Variants in PPY observed in about 807,000 individuals in gnomAD.
PPY encodes the protein pancreatic polypeptide, also known as pancreatic polypeptide prohormone.
Under a neutral mutation model 9.3 loss-of-function variants are expected in PPY, and 6 were observed. That is an observed-to-expected ratio of 0.64 (90% CI 0.35 to 1.27). The LOEUF (loss-of-function observed/expected upper bound fraction) is 1.27, where lower values mean the gene tolerates loss of function less well. Ranked by LOEUF, PPY falls within the 50% of genes most tolerant of loss-of-function variation. The pLI, the probability that PPY is intolerant of heterozygous loss-of-function variation, is 0.03. For missense variants in PPY, 109 were observed against 119.1 expected (o/e 0.91, Z 0.40); for synonymous variants, 58 against 54.6 (o/e 1.06, Z -0.27).
In PPY at chr17:43,940,916, C is replaced by A; in HGVS notation, c.*12G>T. On this transcript the variant is annotated 3_prime_UTR_variant, in exon 4 of 4. Transcript: ENST00000225992. ...GCGCTGCTCATGGAGTCGTAGGAGA[C>A]AGAAGGTGGCATTATAAGTCCAGCG... is the stretch of plus-strand genomic sequence containing the variant. The A allele has an allele frequency of 1.9e-6, 3 of 1,605,446 alleles. No homozygotes were observed. Among genetic ancestry groups the A allele is most frequent in the East Asian group, 4.5e-5 (2 of 44,632 alleles).
In PPY at chr17:43,941,447, C is replaced by A; in HGVS notation, c.191+17G>T. ...GTCCCAGGGGCTGGGATCTCTCTCC[C>A]CAACTGTGGCACACACCTAGGCCTG... On this transcript the variant is annotated intron_variant, in intron 2 of 3. Coordinates refer to ENST00000225992, the MANE Select transcript of PPY (RefSeq NM_002722.5). The A allele has an allele frequency of 6.2e-7, 1 of 1,613,608 alleles. No homozygotes were observed. Among genetic ancestry groups the A allele is most frequent in the South Asian group, 1.1e-5 (1 of 91,028 alleles).
At chr17:43,942,702 GC>G (rs373953896), upstream of PPY, among the ~76,000 whole-genome samples, 850 of 152,308 alleles carry the variant, frequency 5.6e-3, 7 homozygotes, top group African/African-American at 0.02. The surrounding 1 kb of genome is among the most constrained non-coding windows in gnomAD (Gnocchi z 5.3). Flanking sequence ...TCTCCTGTGG[GC>G]CCCCATCACT....
chr17:43,941,318 G>A (rs1567921208), intron 2 of PPY, 104 bp from the exon 3 acceptor site: 1 of 1,503,474 alleles, frequency 6.7e-7, no homozygotes, highest in Non-Finnish European at 9.1e-7. Context: ...CATTGGTCTA[G>A]GCCTGTTGAG....
In PPY at chr17:43,942,405, G is replaced by A. The variant is rs1190898016; in HGVS notation, c.-1+16C>T. On this transcript the variant is annotated intron_variant, in intron 1 of 3. Coordinates refer to ENST00000225992, the MANE Select transcript of PPY (RefSeq NM_002722.5). This position sits in a 1 kb window ranked among gnomAD's most constrained non-coding sequence, Gnocchi z 5.3. ...GGGGAGGCCCCCAGAGCCCCAGGCA[G>A]GCTGAGCCCACTTACCCGGAGTCCA... is the stretch of plus-strand genomic sequence containing the variant. 6.6e-6 allele frequency: 1 copy of A among 152,388 alleles called. No homozygotes were observed. The highest frequency in any genetic ancestry group is 1.9e-4 in the East Asian group (1 of 5,188). The allele number at this position is 152,388 out of a possible 1,614,324, so 9.4% of individuals were successfully genotyped here.
rs2048572249 is a variant in PPY, at chr17:43,941,058, A to C, written c.263+85T>G. 15 of 1,544,054 alleles carry C rather than the reference A, an allele frequency of 9.7e-6. No homozygotes were observed. The Admixed American group carries it at 2.7e-4, about 28-fold the overall frequency. ...TGTTCTCCCTCTTCCACCCCCCACT[A>C]CACCTTTCCAAGCCCTGATTCAGTC... is the stretch of plus-strand genomic sequence containing the variant. On this transcript the variant is annotated intron_variant, in intron 3 of 3. Transcript: ENST00000225992.
intron 1 of PPY, 118 bp from the exon 2 acceptor site, chr17:43,941,772 C>G: frequency 1.7e-6 from 2 of 1,161,312 alleles, no homozygotes; most frequent in Non-Finnish European, 1.2e-6. Flanking sequence ...AGCCTGGGGA[C>G]AAGGGGGCAG....
upstream of PPY, among the ~76,000 whole-genome samples, chr17:43,944,144 G>A (rs1376349734): frequency 6.6e-6 from 1 of 152,208 alleles, no homozygotes; most frequent in Non-Finnish European, 1.5e-5. Context: ...TTGGCGGGTA[G>A]AGGTTGCAGC....
chr17:43,941,049 C>T (rs1456967751), intron 3 of PPY, 94 bp downstream of exon 3: 6 of 1,545,034 alleles, frequency 3.9e-6, no homozygotes, highest in Non-Finnish European at 5.3e-6. Flanking sequence ...CCCTCTTCCA[C>T]CCCCCACTAC....
At chr17:43,941,725 A>G in intron 1 of PPY, 71 bp from the exon 2 acceptor site, 2 of 1,419,678 alleles carry the variant, frequency 1.4e-6, no homozygotes, top group Non-Finnish European at 1.9e-6. Flanking sequence ...AGCAGGGCCC[A>G]ACTATCCAGC....
chr17:43,941,680 G>A (rs956191037), intron 1 of PPY, 26 bp from the exon 2 acceptor site: 3 of 1,565,376 alleles, frequency 1.9e-6, no homozygotes, highest in Admixed American at 3.8e-5. Flanking sequence ...AGGGGAGGTG[G>A]AGAGCCCGGG....
rs1259665024 is a variant in PPY at position 43,940,869 on chromosome 17, T to G, written c.*59A>C. The G allele has an allele frequency of 1.3e-6, 2 of 1,572,426 alleles. No homozygotes were observed. The highest frequency in any genetic ancestry group is 3.7e-5 in the Admixed American group (2 of 53,896). ...AGCAAGCTTTGGCCAGAGCCAAGGG[T>G]GCAGAGGGGAGAGCTGGGCTGGCGC... On this transcript the variant is annotated 3_prime_UTR_variant, in exon 4 of 4. Coordinates refer to ENST00000225992, the MANE Select transcript of PPY (RefSeq NM_002722.5).
At chr17:43,941,322 T>C (rs1276448958) in intron 2 of PPY, 108 bp from the exon 3 acceptor site, 1 of 1,503,278 alleles carries the variant, frequency 6.7e-7, no homozygotes, top group East Asian at 2.4e-5. Context: ...GGTCTAGGCC[T>C]GTTGAGCACA....
In PPY at chr17:43,941,514, G is replaced by T. The variant is rs1393403839; in HGVS notation, c.141C>A (p.Ala47=). 1 of 1,614,040 alleles carries T rather than the reference G, an allele frequency of 6.2e-7. No individual in the cohort carries two copies. Among genetic ancestry groups the T allele is most frequent in the Admixed American group, 1.7e-5 (1 of 60,022 alleles). Residue 47 remains alanine, a synonymous_variant, in exon 2 of 4, where the codon GCC becomes GCA. Coordinates refer to ENST00000225992, the MANE Select transcript of PPY (RefSeq NM_002722.5). The part of the protein sequence containing the change: ...PGDNATPEQM[A]QYAADLRRYI... ...ATCTACGGAGATCAGCTGCATACTG[G>T]GCCATCTGCTCTGGTGTGGCATTGT...
At chr17:43,943,707 G>C (rs115177253), upstream of PPY, among the ~76,000 whole-genome samples, 2,553 of 152,278 alleles carry the variant, frequency 0.017, 76 homozygotes, top group African/African-American at 0.058. Context: ...TGGGAGATGG[G>C]GGGGACTGTT....
rs922382946 is a variant in PPY at position 43,941,446 on chromosome 17, C to T, written c.191+18G>A. 1.9e-6 allele frequency: 3 copies of T among 1,613,596 alleles called. No individual in the cohort carries two copies. The highest frequency in any genetic ancestry group is 1.7e-5 in the Admixed American group (1 of 60,008). On this transcript the variant is annotated intron_variant, in intron 2 of 3. Coordinates refer to ENST00000225992, the MANE Select transcript of PPY (RefSeq NM_002722.5). ...GGTCCCAGGGGCTGGGATCTCTCTC[C>T]CCAACTGTGGCACACACCTAGGCCT...
upstream of PPY, among the ~76,000 whole-genome samples, chr17:43,943,120 G>T (rs1164908672): frequency 6.6e-6 from 1 of 152,092 alleles, no homozygotes; most frequent in Non-Finnish European, 1.5e-5. Flanking sequence ...GGGGGTGCCG[G>T]TTTCCAGTAT....
At chr17:43,942,908 G>A (rs2048587941), upstream of PPY, among the ~76,000 whole-genome samples, 2 of 152,198 alleles carry the variant, frequency 1.3e-5, no homozygotes, top group Non-Finnish European at 2.9e-5. The surrounding 1 kb of genome is among the most constrained non-coding windows in gnomAD (Gnocchi z 5.3). Flanking sequence ...TGAGGCTACA[G>A]CCAGAGCCTC....
At chr17:43,941,418 C>A (rs374696134) in intron 2 of PPY, 46 bp downstream of exon 2, 9 of 1,610,990 alleles carry the variant, frequency 5.6e-6, no homozygotes, top group Non-Finnish European at 7.6e-6. Context: ...GGAGTGGGCC[C>A]AGGGTCCCAG....
chr17:43,941,122 A>G (rs2048572793), intron 3 of PPY, 21 bp downstream of exon 3: 3 of 1,550,966 alleles, frequency 1.9e-6, no homozygotes, highest in Non-Finnish European at 2.6e-6. Context: ...CTGGACAGAC[A>G]GGGCAGGGAG....
Sources: gnomAD v4.1 joint callset for allele counts (sites outside exome capture counted in the v4.1 genomes callset) on GRCh38, gnomAD v4.1.1 for gene constraint, Gnocchi (gnomAD v3.1) non-coding constraint, MANE v1.5 for transcripts, NCBI Gene and HGNC (gene_info 2026-07-23, HGNC 2026-07-21) for gene names.